ZNF81: variants seen among roughly 807,000 people sequenced by gnomAD.
ZNF81 encodes zinc finger protein 81, also known as zinc finger protein 81 (HFZ20).
In ZNF81, 5 loss-of-function variants were observed where a neutral mutation model predicts 32.3. The observed-to-expected ratio is 0.15, with a 90% CI of 0.08 to 0.33. The LOEUF is 0.33. Among genes scored for constraint, ZNF81 ranks in the 10% least tolerant of loss-of-function variants. ZNF81 has a pLI of 1.00. For synonymous variants in ZNF81, 163 were observed against 166.8 expected (o/e 0.98, Z 0.17); for missense variants, 379 against 479.8 (o/e 0.79, Z 1.96).
intron 4 of ZNF81, among the ~76,000 whole-genome samples, chrX:47,905,950 A>G (rs1477645520): frequency 1.8e-5 from 2 of 109,692 alleles, no homozygotes; most frequent in Non-Finnish European, 3.8e-5. Flanking sequence ...GATTAAATAT[A>G]TATAGTCCTG....
At chrX:47,880,179 G>T (rs899240187) in intron 2 of ZNF81, among the ~76,000 whole-genome samples, 12 of 111,852 alleles carry the variant, frequency 1.1e-4, no homozygotes, top group East Asian at 8.4e-4. Context: ...TAAAATTTCT[G>T]CAGTCTTTCA....
chrX:47,877,400 A>G (rs2058604080), intron 2 of ZNF81, among the ~76,000 whole-genome samples: 2 of 111,855 alleles, frequency 1.8e-5, no homozygotes, highest in South Asian at 7.5e-4. Context: ...ATTTCAGGGT[A>G]GAAGGGGACA....
At chrX:47,860,386 T>C (rs1171737416) in intron 2 of ZNF81, among the ~76,000 whole-genome samples, 1 of 108,732 alleles carries the variant, frequency 9.2e-6, no homozygotes, top group Admixed American at 1.0e-4. Context: ...TTTCACCGTG[T>C]TAGTCAGGAT....
At chrX:47,846,769 A>G (rs1311265935) in intron 2 of ZNF81, among the ~76,000 whole-genome samples, 1 of 111,986 alleles carries the variant, frequency 8.9e-6, no homozygotes, top group Non-Finnish European at 1.9e-5. Flanking sequence ...ATAGTTTTAA[A>G]GAATGTTTTG....
intron 4 of ZNF81, among the ~76,000 whole-genome samples, chrX:47,900,980 T>A (rs1370397841): frequency 2.9e-4 from 32 of 111,547 alleles, no homozygotes; most frequent in Non-Finnish European, 1.1e-4. Flanking sequence ...GAATTTTAGC[T>A]GCTCCACATT....
intron 2 of ZNF81, among the ~76,000 whole-genome samples, chrX:47,857,995 C>A (rs989930598): frequency 1.8e-5 from 2 of 110,855 alleles, no homozygotes; most frequent in Non-Finnish European, 3.8e-5. Flanking sequence ...ATTCTTACTA[C>A]CAAGGGTCTC....
intron 3 of ZNF81, 28 bp downstream of exon 3, chrX:47,888,153 G>C: frequency 8.3e-7 from 1 of 1,199,839 alleles, no homozygotes; most frequent in Non-Finnish European, 1.1e-6. Flanking sequence ...GTGAAGTTGT[G>C]AGGAGCCTGT....
At chrX:47,841,545 C>T in intron 1 of ZNF81, 2 of 973,886 alleles carry the variant, frequency 2.1e-6, no homozygotes, top group Non-Finnish European at 2.9e-6. Context: ...AGGAATGATT[C>T]CAGTCACTTA....
rs138508831 is a variant in ZNF81, at chrX:47,865,492, G to A, written c.54+19171G>A. On this transcript the variant is annotated intron_variant, in intron 2 of 4. Transcript: ENST00000338637. The stretch of plus-strand genomic sequence containing the variant: ...CTCCCTTTGTTAGAGATCCCATTAG[G>A]CAAAATCACCAGTTACAAACACTAG... Among the ~76,000 whole-genome samples, 716 of 111,992 alleles carry A rather than the reference G, an allele frequency of 6.4e-3. 4 individuals carry two copies. Among genetic ancestry groups the A allele is most frequent in the African/African-American group, 0.022 (688 of 30,843 alleles).
chrX:47,900,429 C>T (rs1429913484), intron 4 of ZNF81, among the ~76,000 whole-genome samples: 5 of 111,649 alleles, frequency 4.5e-5, no homozygotes, highest in African/African-American at 1.6e-4. Flanking sequence ...TTGACCCATA[C>T]TTCACATCCT....
At position 47,919,875 on chromosome X, in the gene ZNF81, T is replaced by C. The variant is rs1231198246; in HGVS notation, c.*3243T>C. On this transcript the variant is annotated 3_prime_UTR_variant, in exon 5 of 5. Transcript: ENST00000338637. ...CCCTCTAACATATTAATCATAGTTA[T>C]TTTTAACTCCCTGTCTGATAGTTCC... The C allele has an allele frequency of 3.6e-5, 4 of 111,988 alleles. No individual in the cohort carries two copies. The East Asian group carries it at 8.3e-4, about 23-fold the overall frequency. The allele number at this position is 111,988 out of a possible 1,213,427, so 9.2% of individuals were successfully genotyped here. A position where few individuals can be genotyped will look rare whatever the true frequency, so the allele number is the denominator to read the frequency against.
chrX:47,887,302 A>G (rs73632368), intron 2 of ZNF81, among the ~76,000 whole-genome samples: 2,224 of 111,843 alleles, frequency 0.02, 60 homozygotes, highest in African/African-American at 0.069. Flanking sequence ...GGTCCTTCGC[A>G]TAGCCATATA....
At chrX:47,864,518 G>A (rs1217354860) in intron 2 of ZNF81, among the ~76,000 whole-genome samples, 6 of 111,920 alleles carry the variant, frequency 5.4e-5, no homozygotes, top group African/African-American at 9.8e-5. Context: ...CACACGTCAT[G>A]TGATGTGACC....
intron 2 of ZNF81, among the ~76,000 whole-genome samples, chrX:47,847,461 T>G (rs2058475452): frequency 8.9e-6 from 1 of 112,019 alleles, no homozygotes; most frequent in Non-Finnish European, 1.9e-5. Context: ...ACACAGTAAA[T>G]AGCCAGTAAT....
intron 2 of ZNF81, among the ~76,000 whole-genome samples, chrX:47,873,752 C>T (rs782074121): frequency 5.4e-5 from 6 of 111,595 alleles, no homozygotes; most frequent in Non-Finnish European, 1.1e-4. Flanking sequence ...CTGCAACCTC[C>T]GCCTCCTGGG....
intron 1 of ZNF81, among the ~76,000 whole-genome samples, chrX:47,840,068 G>A (rs1156733366): frequency 9.2e-6 from 1 of 109,114 alleles, no homozygotes; most frequent in Non-Finnish European, 1.9e-5. Flanking sequence ...AGGATCTGCA[G>A]TTACATCTCT....
At position 47,915,583 on chromosome X, in the gene ZNF81, C is replaced by G; in HGVS notation, c.937C>G (p.Gln313Glu). Residue 313 changes from glutamine to glutamate, a missense_variant, in exon 5 of 5, where the codon CAG becomes GAG. Around this residue, in one of 2 missense-constraint regions of ZNF81, gnomAD observed 277 missense variants for 306.6 expected, o/e 0.90. Transcript: ENST00000338637. Reference sequence around the variant, plus strand: ...TAGCAAATGTGTAAATGTTTTTACACAGAAGCCACTACTCAGTATATATCT... The same window carrying G: ...TAGCAAATGTGTAAATGTTTTTACAGAGAAGCCACTACTCAGTATATATCT... Reference protein sequence around the residue: ...ELSKCVNVFTQKPLLSIYLRV... With the variant: ...ELSKCVNVFTEKPLLSIYLRV... 1 of 1,211,114 alleles carries G rather than the reference C, an allele frequency of 8.3e-7. No individual in the cohort carries two copies. Among genetic ancestry groups the G allele is most frequent in the Non-Finnish European group, 1.1e-6 (1 of 895,236 alleles).
intron 4 of ZNF81, among the ~76,000 whole-genome samples, chrX:47,902,843 C>G (rs2058703528): frequency 9.0e-6 from 1 of 111,293 alleles, no homozygotes; most frequent in African/African-American, 3.3e-5. Context: ...CACCTAAGGC[C>G]AGGAGTTTGA....
rs190590901 is a variant in ZNF81, at chrX:47,839,840, C to T, written c.-164+2853C>T. On this transcript the variant is annotated intron_variant, in intron 1 of 4. Transcript: ENST00000338637. Reference sequence around the variant, plus strand: ...CCTTTTAATGCAAGCTTGTCCAACCCGCTGTCCGTGGGCCACATGTGGCTC... The same window carrying T: ...CCTTTTAATGCAAGCTTGTCCAACCTGCTGTCCGTGGGCCACATGTGGCTC... 5.1e-4 allele frequency among the ~76,000 whole-genome samples: 57 copies of T among 111,451 alleles called. 1 individual carries two copies. The highest frequency in any genetic ancestry group is 5.7e-4 in the East Asian group (2 of 3,527).
Sources: gnomAD v4.1 joint callset for allele counts (sites outside exome capture counted in the v4.1 genomes callset) on GRCh38, gnomAD v4.1.1 for gene constraint, gnomAD v4.1.1 regional missense constraint, MANE v1.5 for transcripts, NCBI Gene and HGNC (gene_info 2026-07-23, HGNC 2026-07-21) for gene names.